The following ADGRV1 variants were observed in gnomAD, a reference collection of about 807,000 sequenced individuals.
ADGRV1 encodes the protein G-protein coupled receptor 98.
In ADGRV1, 359 loss-of-function variants were observed where a neutral mutation model predicts 596.2. The observed-to-expected ratio is 0.60, with a 90% CI of 0.55 to 0.66. ADGRV1 has a LOEUF of 0.66. ADGRV1 is among the 30% of genes least tolerant of loss of function. ADGRV1 has a pLI of 0.00. For synonymous variants in ADGRV1, 2,681 were observed against 2,679.2 expected, an observed-to-expected ratio of 1.00 and a Z score of -0.02; for missense variants, 7,274 against 7,575.6, an observed-to-expected ratio of 0.96 and a Z score of 1.48.
chr5:90,790,022 CA>C (rs1759891154), intron 69 of ADGRV1, among the ~76,000 whole-genome samples, 171 bp downstream of exon 69: 5 of 152,332 alleles, frequency 3.3e-5, no homozygotes, highest in Non-Finnish European at 7.3e-5. Context: ...CTCTCATCAG[CA>C]TCAACCTCTA....
At position 90,819,185 on chromosome 5, in the gene ADGRV1, A is replaced by T. The variant is rs934796962; in HGVS notation, c.16196+3449A>T. ...AGGAATTTATCCATTTCTTCTAGAT[A>T]TTCTAGTTTATTTGCGTAGAGGTGT... On this transcript the variant is annotated intron_variant, in intron 75 of 89. Coordinates refer to ENST00000405460, the MANE Select transcript of ADGRV1 (RefSeq NM_032119.4). Among the ~76,000 whole-genome samples the T allele has an allele frequency of 3.2e-3, 487 of 152,152 alleles. 4 individuals are homozygous for T. Among genetic ancestry groups the T allele is most frequent in the African/African-American group, 0.011 (462 of 41,496 alleles).
intron 41 of ADGRV1, 99 bp from the exon 42 acceptor site, chr5:90,712,188 C>A: frequency 1.5e-6 from 1 of 670,184 alleles, no homozygotes; most frequent in Non-Finnish European, 2.3e-6. Context: ...ATAGCTTATT[C>A]TTTACATTCA....
At chr5:91,145,676 G>A (rs980612923) in intron 87 of ADGRV1, among the ~76,000 whole-genome samples, 1 of 151,820 alleles carries the variant, frequency 6.6e-6, no homozygotes, top group Non-Finnish European at 1.5e-5. Context: ...AATTCAAGGG[G>A]AAATACATGT....
chr5:90,985,169 T>G (rs1321577600), intron 84 of ADGRV1, among the ~76,000 whole-genome samples, 175 bp from the exon 85 acceptor site: 1 of 152,272 alleles, frequency 6.6e-6, no homozygotes, highest in South Asian at 2.1e-4. Flanking sequence ...ATTTCTTGGA[T>G]AAGAATGAAA....
chr5:90,822,513 G>T (rs1581234501), intron 75 of ADGRV1, among the ~76,000 whole-genome samples: 1 of 152,306 alleles, frequency 6.6e-6, no homozygotes, highest in East Asian at 1.9e-4. Flanking sequence ...CCAGTACCAT[G>T]CTGTTTTGGT....
At chr5:91,002,753 A>G (rs1430874387) in intron 85 of ADGRV1, among the ~76,000 whole-genome samples, 1 of 152,090 alleles carries the variant, frequency 6.6e-6, no homozygotes, top group Non-Finnish European at 1.5e-5. Context: ...ATGTTGTCCA[A>G]TACATGAAGT....
In ADGRV1 at chr5:90,643,058, T is replaced by A; in HGVS notation, c.2553+17T>A. ...ATACCAGAGGTATGGGATTTTATAT[T>A]TTCTTTGTGTTTCTCTGTAAGATTG... On this transcript the variant is annotated intron_variant, in intron 13 of 89. Transcript: ENST00000405460. 6.3e-7 allele frequency: 1 copy of A among 1,585,848 alleles called. No homozygotes were observed. The highest frequency in any genetic ancestry group is 8.7e-7 in the Non-Finnish European group (1 of 1,155,250).
At chr5:91,091,764 TC>T (rs1353300162) in intron 86 of ADGRV1, 2 of 151,930 alleles carry the variant, frequency 1.3e-5, no homozygotes, top group Non-Finnish European at 2.9e-5. Context: ...GAAGGAATGT[TC>T]CAGCTCAAGC....
intron 34 of ADGRV1, among the ~76,000 whole-genome samples, chr5:90,698,834 A>G (rs567109203): frequency 1.3e-5 from 2 of 152,226 alleles, no homozygotes; most frequent in Non-Finnish European, 2.9e-5. Flanking sequence ...GGGAGAAACC[A>G]GGGAGAGAGT....
At chr5:91,056,635 G>T (rs4254936) in intron 85 of ADGRV1, among the ~76,000 whole-genome samples, 93,461 of 151,790 alleles carry the variant, frequency 0.62, 29,151 homozygotes, top group South Asian at 0.68. Flanking sequence ...CTTTGGCAAC[G>T]TCTTGTGTTG....
intron 77 of ADGRV1, among the ~76,000 whole-genome samples, chr5:90,834,190 A>C (rs1213935014): frequency 6.6e-6 from 1 of 152,200 alleles, no homozygotes; most frequent in East Asian, 1.9e-4. Flanking sequence ...CCAAAATTAC[A>C]GTGTTATAGT....
At chr5:90,632,496 C>G (rs1765630076) in intron 9 of ADGRV1, among the ~76,000 whole-genome samples, 1 of 152,148 alleles carries the variant, frequency 6.6e-6, no homozygotes, top group Non-Finnish European at 1.5e-5. Context: ...GTACCAATAT[C>G]AGTATCCTCT....
intron 83 of ADGRV1, among the ~76,000 whole-genome samples, chr5:90,950,079 C>A (rs1299070210): frequency 6.6e-6 from 1 of 152,128 alleles, no homozygotes; most frequent in East Asian, 1.9e-4. Context: ...AAATGTGGTA[C>A]CCATTTCAAT....
At chr5:90,932,212 T>A (rs1437184988) in intron 83 of ADGRV1, among the ~76,000 whole-genome samples, 1 of 152,178 alleles carries the variant, frequency 6.6e-6, no homozygotes, top group Non-Finnish European at 1.5e-5. Context: ...TCATTAGTGG[T>A]ATGATTTCCC....
At chr5:90,562,945 A>G (rs1002691091) in intron 1 of ADGRV1, among the ~76,000 whole-genome samples, 1 of 151,968 alleles carries the variant, frequency 6.6e-6, no homozygotes, top group African/African-American at 2.4e-5. Context: ...CCCTAGGCAT[A>G]TTTTCTTTGT....
In ADGRV1 at chr5:91,081,642, C is replaced by G. The variant is rs542230499; in HGVS notation, c.18310+9038C>G. On this transcript the variant is annotated intron_variant, in intron 86 of 89. Transcript: ENST00000405460. ...CTCTACAAAAAATACAAAAATTAGC[C>G]GGGCATGGTGGCAGACGCCTGTAAT... 2.0e-4 allele frequency among the ~76,000 whole-genome samples: 31 copies of G among 151,916 alleles called. No homozygotes were observed. In the East Asian group the frequency reaches 5.6e-3, roughly 28 times the overall value.
At chr5:90,967,843 A>G (rs1338058011) in intron 84 of ADGRV1, among the ~76,000 whole-genome samples, 1 of 152,234 alleles carries the variant, frequency 6.6e-6, no homozygotes, top group African/African-American at 2.4e-5. Flanking sequence ...GCAATTGAAT[A>G]TGTGACCAGA....
At chr5:90,599,402 G>C (rs1369334541) in intron 1 of ADGRV1, among the ~76,000 whole-genome samples, 1 of 152,078 alleles carries the variant, frequency 6.6e-6, no homozygotes, top group Non-Finnish European at 1.5e-5. Flanking sequence ...TAAATGTTCT[G>C]ATAGCTGTTA....
At chr5:90,841,855 A>G (rs1481253068) in intron 78 of ADGRV1, among the ~76,000 whole-genome samples, 1 of 152,214 alleles carries the variant, frequency 6.6e-6, no homozygotes, top group African/African-American at 2.4e-5. Context: ...TTAAAATACA[A>G]TGCTTGAAAG....
Sources: gnomAD v4.1 joint callset for allele counts (sites outside exome capture counted in the v4.1 genomes callset) on GRCh38, gnomAD v4.1.1 for gene constraint, MANE v1.5 for transcripts, NCBI Gene and HGNC (gene_info 2026-07-23, HGNC 2026-07-21) for gene names.